Variants in MTBP observed in about 807,000 individuals in gnomAD.
MTBP encodes mdm2-binding protein.
In MTBP, 101 loss-of-function variants were observed where a neutral mutation model predicts 117.0. That is an observed-to-expected ratio of 0.86 (90% confidence interval 0.73 to 1.02). MTBP has a LOEUF of 1.02. Among genes scored for constraint, MTBP ranks in the 50% least tolerant of loss-of-function variants. The probability of loss-of-function intolerance (pLI) is 0.00; values close to 1 mark genes in which losing one functional copy is unlikely to be tolerated. For synonymous variants in MTBP, 350 were observed against 351.5 expected, an observed-to-expected ratio of 1.00 and a Z score of 0.05; for missense variants, 970 against 1,030.9, an observed-to-expected ratio of 0.94 and a Z score of 0.81.
At chr8:120,462,634 TC>T (rs1813604954) in intron 9 of MTBP, among the ~76,000 whole-genome samples, 1 of 152,316 alleles carries the variant, frequency 6.6e-6, no homozygotes, top group South Asian at 2.1e-4. Context: ...TATTAATACT[TC>T]TTTTCTCTGT....
In MTBP at chr8:120,477,539, C is replaced by G. The variant is rs574709568; in HGVS notation, c.1165+6602C>G. On this transcript the variant is annotated intron_variant, in intron 11 of 21. Coordinates refer to ENST00000305949, the MANE Select transcript of MTBP (RefSeq NM_022045.5). ...GCTAATATCCAGAATCTACAAGGAA[C>G]TTAAACAAATTTACAAGAAAAAAGC... is the stretch of plus-strand genomic sequence containing the variant. Among the ~76,000 whole-genome samples the G allele has an allele frequency of 1.2e-4, 18 of 152,256 alleles. No individual in the cohort carries two copies. The South Asian group carries it at 3.7e-3, about 32-fold the overall frequency.
intron 4 of MTBP, among the ~76,000 whole-genome samples, chr8:120,453,253 C>T (rs1229907563): frequency 6.6e-6 from 1 of 152,056 alleles, no homozygotes; most frequent in Non-Finnish European, 1.5e-5. Flanking sequence ...GAGTTTGAGA[C>T]CAGCTTGGGC....
At chr8:120,498,374 A>G (rs992086639) in intron 14 of MTBP, among the ~76,000 whole-genome samples, 1 of 152,206 alleles carries the variant, frequency 6.6e-6, no homozygotes, top group South Asian at 2.1e-4. Flanking sequence ...TAAATAGCAT[A>G]CAGAGTTATC....
Position 120,497,521 on chromosome 8 carries a change from A to G in MTBP, c.1576A>G (p.Met526Val). 6.4e-7 allele frequency: 1 copy of G among 1,560,568 alleles called. No homozygotes were observed. Among genetic ancestry groups the G allele is most frequent in the South Asian group, 1.2e-5 (1 of 85,640 alleles). Reference sequence around the variant, plus strand: ...GATTCCTAAAATGATTCTAAGAAAGATGGACAAAATTAAAACCTTCAATAT... The same window carrying G: ...GATTCCTAAAATGATTCTAAGAAAGGTGGACAAAATTAAAACCTTCAATAT... ...AVIPKMILRK[M>V]DKIKTFNILN... Residue 526 changes from methionine (M) to valine (V), a missense_variant, in exon 14 of 22, where the codon ATG (methionine) becomes GTG (valine). By Grantham distance (21) the Met-to-Val change is conservative (BLOSUM62 1). Transcript: ENST00000305949.
chr8:120,517,792 T>C, intron 18 of MTBP, 59 bp from the exon 19 acceptor site: 1 of 1,504,574 alleles, frequency 6.6e-7, no homozygotes, highest in Non-Finnish European at 9.0e-7. Flanking sequence ...AGACAGAAAA[T>C]GAACTTCGAT....
At chr8:120,513,998 G>A (rs896554083) in intron 17 of MTBP, among the ~76,000 whole-genome samples, 4 of 145,006 alleles carry the variant, frequency 2.8e-5, no homozygotes, top group Admixed American at 7.2e-5. Context: ...TTTTGTCACC[G>A]GTTAAATTAA....
chr8:120,517,009 G>T (rs1338145349), intron 18 of MTBP, among the ~76,000 whole-genome samples: 1 of 151,888 alleles, frequency 6.6e-6, no homozygotes, highest in East Asian at 1.9e-4. Flanking sequence ...AGTTACATTT[G>T]GGGTACTATA....
In MTBP at chr8:120,446,382, AG is replaced by A. The variant is rs780318696; in HGVS notation, c.119-50del. The A allele has an allele frequency of 8.1e-6, 9 of 1,112,008 alleles. No individual in the cohort carries two copies. In the East Asian group the frequency reaches 2.1e-4, roughly 26 times the overall value. 68.9% of individuals were successfully genotyped at this position (1,112,008 alleles called of 1,614,324 possible). ...TCTGATGGTGAAATTGGACTAAGTTAGATTATGTAAATCTAGAGCCCTTTGA... is the reference window on the plus strand; with the variant it reads ...TCTGATGGTGAAATTGGACTAAGTTAATTATGTAAATCTAGAGCCCTTTGA... On this transcript the variant is annotated intron_variant, in intron 1 of 21. Transcript: ENST00000305949.
intron 10 of MTBP, among the ~76,000 whole-genome samples, chr8:120,466,748 C>T (rs1168137348): frequency 6.6e-6 from 1 of 151,936 alleles, no homozygotes; most frequent in Non-Finnish European, 1.5e-5. Flanking sequence ...GAGGCGCTTG[C>T]CTGTAGTCCC....
Position 120,461,171 on chromosome 8 carries a change from A to T in MTBP, c.893A>T (p.Tyr298Phe). 6.3e-7 allele frequency: 1 copy of T among 1,589,282 alleles called. No homozygotes were observed. Among genetic ancestry groups the T allele is most frequent in the Non-Finnish European group, 8.6e-7 (1 of 1,158,748 alleles). The change falls in exon 9 of 22, where the codon TAT (tyrosine) becomes TTT (phenylalanine). Residue 298 changes from tyrosine (Y) to phenylalanine (F), a missense_variant. By Grantham distance (22) the Tyr-to-Phe change is conservative. Transcript: ENST00000305949. ...TAATTTCTTTTCTAGGTTTTCCATT[A>T]TTATGGCCCTGCTTTAGAATTTGTG... The part of the protein sequence containing the change: ...DKNILPKVFH[Y>F]YGPALEFVQM...
intron 16 of MTBP, among the ~76,000 whole-genome samples, chr8:120,508,215 C>G (rs1000609893): frequency 2.0e-5 from 3 of 152,076 alleles, no homozygotes; most frequent in African/African-American, 7.2e-5. Context: ...AAGAAGCCAT[C>G]CAAAATACTG....
At chr8:120,466,929 A>T (rs4565499) in intron 10 of MTBP, among the ~76,000 whole-genome samples, 128,188 of 152,192 alleles carry the variant, frequency 0.84, 54,554 homozygotes, top group Non-Finnish European at 0.91. Context: ...TAATTTTTTT[A>T]AAAATGTTTT....
At chr8:120,446,021 G>T (rs999828223) in intron 1 of MTBP, among the ~76,000 whole-genome samples, 3 of 152,106 alleles carry the variant, frequency 2.0e-5, no homozygotes, top group African/African-American at 4.8e-5. Context: ...AACAAATGAT[G>T]AATTTTAAAT....
At chr8:120,510,099 T>G in intron 17 of MTBP, 70 bp downstream of exon 17, 1 of 1,112,656 alleles carries the variant, frequency 9.0e-7, no homozygotes, top group Non-Finnish European at 1.3e-6. Flanking sequence ...AAGAGTGACT[T>G]TAATAAAATG....
At chr8:120,492,384 G>A (rs995150051) in intron 13 of MTBP, among the ~76,000 whole-genome samples, 2 of 152,208 alleles carry the variant, frequency 1.3e-5, no homozygotes, top group African/African-American at 4.8e-5. Flanking sequence ...CATGTCTTAA[G>A]TGTCTACTTC....
At chr8:120,464,599 T>C (rs970323142) in intron 10 of MTBP, among the ~76,000 whole-genome samples, 51 of 152,010 alleles carry the variant, frequency 3.4e-4, no homozygotes, top group African/African-American at 1.2e-3. Context: ...AAAATCGATA[T>C]AGTAAAGGAA....
At chr8:120,498,575 G>A (rs1006300674) in intron 14 of MTBP, among the ~76,000 whole-genome samples, 2 of 152,168 alleles carry the variant, frequency 1.3e-5, no homozygotes, top group African/African-American at 2.4e-5. Flanking sequence ...GATGACATAG[G>A]TAGTTATGAA....
chr8:120,497,277 T>A, intron 13 of MTBP, 116 bp from the exon 14 acceptor site: 1 of 891,940 alleles, frequency 1.1e-6, no homozygotes, highest in Non-Finnish European at 1.7e-6. Flanking sequence ...AAAACAGGAA[T>A]GTTGATTTAC....
At chr8:120,498,305 C>T (rs1426773325) in intron 14 of MTBP, among the ~76,000 whole-genome samples, 1 of 152,084 alleles carries the variant, frequency 6.6e-6, no homozygotes, top group Non-Finnish European at 1.5e-5. Flanking sequence ...AACACAAGTA[C>T]CAAAAAAGAT....
Sources: gnomAD v4.1 joint callset for allele counts (sites outside exome capture counted in the v4.1 genomes callset) on GRCh38, gnomAD v4.1.1 for gene constraint, MANE v1.5 for transcripts, NCBI Gene and HGNC (gene_info 2026-07-23, HGNC 2026-07-21) for gene names.